BICRA: variants seen among roughly 807,000 people sequenced by gnomAD.
The protein encoded by BICRA is BRD4-interacting chromatin-remodeling complex-associated protein.
Under a neutral mutation model 96.9 loss-of-function variants are expected in BICRA, and 31 were observed. That is an observed-to-expected ratio of 0.32 (90% confidence interval 0.24 to 0.43). The LOEUF is 0.43. Among genes scored for constraint, BICRA ranks in the 20% least tolerant of loss-of-function variants. BICRA has a pLI of 1.00. For missense variants in BICRA, 2,283 were observed against 2,190.3 expected (o/e 1.04, Z -0.84); for synonymous variants, 1,350 against 1,071.8 (o/e 1.26, Z -5.07).
intron 7 of BICRA, among the ~76,000 whole-genome samples, chr19:47,690,454 C>G (rs963793030): frequency 2.6e-5 from 4 of 152,122 alleles, no homozygotes; most frequent in African/African-American, 7.2e-5. Context: ...AGTTGAGACC[C>G]CTAAGGGCAG....
At chr19:47,643,206 G>A (rs1972408730) in intron 1 of BICRA, among the ~76,000 whole-genome samples, 1 of 152,228 alleles carries the variant, frequency 6.6e-6, no homozygotes, top group Non-Finnish European at 1.5e-5. Context: ...CTGACCTCAA[G>A]TGATCTGCCC....
chr19:47,691,461 G>A (rs962493078), intron 7 of BICRA, among the ~76,000 whole-genome samples: 2 of 152,190 alleles, frequency 1.3e-5, no homozygotes, highest in African/African-American at 4.8e-5. Context: ...CATCTGCCTT[G>A]ACCTTAGCAT....
At chr19:47,609,821 G>C (rs1196406237) in intron 1 of BICRA, among the ~76,000 whole-genome samples, 1 of 152,058 alleles carries the variant, frequency 6.6e-6, no homozygotes, top group East Asian at 1.9e-4. Context: ...GATGGATGGG[G>C]AAGGAGGCCA....
At chr19:47,638,255 C>T (rs1034763436) in intron 1 of BICRA, among the ~76,000 whole-genome samples, 1 of 152,190 alleles carries the variant, frequency 6.6e-6, no homozygotes, top group African/African-American at 2.4e-5. Context: ...CCTCAGCCTG[C>T]CCTGAACACT....
chr19:47,664,910 C>A (rs997322898), intron 1 of BICRA, among the ~76,000 whole-genome samples: 2 of 151,614 alleles, frequency 1.3e-5, no homozygotes, highest in African/African-American at 2.4e-5. Context: ...AGCAGGCCCA[C>A]TGGGTGGGGG....
chr19:47,618,235 C>T (rs1276113724), intron 1 of BICRA, among the ~76,000 whole-genome samples: 1 of 151,970 alleles, frequency 6.6e-6, no homozygotes, highest in Non-Finnish European at 1.5e-5. Context: ...GGGGATGGAC[C>T]CCTAGGATGA....
At chr19:47,688,423 A>G (rs1973191019) in intron 7 of BICRA, among the ~76,000 whole-genome samples, 2 of 152,166 alleles carry the variant, frequency 1.3e-5, no homozygotes, top group African/African-American at 4.8e-5. Flanking sequence ...TAGAGAATGT[A>G]GAAAATACAG....
At chr19:47,638,613 T>TCA (rs34512769) in intron 1 of BICRA, among the ~76,000 whole-genome samples, 50,222 of 149,654 alleles carry the variant, frequency 0.34, 8,635 homozygotes, top group East Asian at 0.57. Context: ...TCTCTCTCTG[T>TCA]CACACACACA....
At position 47,702,341 on chromosome 19, in the gene BICRA, C is replaced by G. The variant is rs780931394; in HGVS notation, c.4609C>G (p.Pro1537Ala). 6.5e-7 allele frequency: 1 copy of G among 1,547,054 alleles called. No homozygotes were observed. Among genetic ancestry groups the G allele is most frequent in the Non-Finnish European group, 8.6e-7 (1 of 1,156,648 alleles). Residue 1537 changes from proline (P) to alanine (A), a missense_variant, in exon 15 of 15, where the codon CCC (proline) becomes GCC (alanine). Transcript: ENST00000594866. ...ASAGTPASPP[P>A]LHRPEAYPPS... ...GGCCGGCACCCCCGCATCCCCGCCG[C>G]CCCTGCACAGGCCCGAGGCCTACCC...
Position 47,673,769 on chromosome 19 carries a change from A to G in BICRA, c.84+7A>G, listed in dbSNP as rs759106800. 3.1e-6 allele frequency: 5 copies of G among 1,611,140 alleles called. No individual in the cohort carries two copies. In the East Asian group the frequency reaches 1.1e-4, roughly 36 times the overall value. On this transcript the variant is annotated splice_region_variant and intron_variant, in intron 4 of 14. Coordinates refer to ENST00000594866, the MANE Select transcript of BICRA (RefSeq NM_001394372.1). ...CTTGCATGGATCCGAGAAGGTAAGC[A>G]TGGGCGCAGGGAGAGGCATTCCCTG...
At chr19:47,674,069 G>A (rs543014941) in intron 4 of BICRA, among the ~76,000 whole-genome samples, 4 of 152,316 alleles carry the variant, frequency 2.6e-5, no homozygotes, top group African/African-American at 9.6e-5. Context: ...AAATAAATGG[G>A]TCCCAGGGGC....
chr19:47,623,249 A>G (rs990595878), intron 1 of BICRA, among the ~76,000 whole-genome samples: 1 of 152,060 alleles, frequency 6.6e-6, no homozygotes, highest in Non-Finnish European at 1.5e-5. Context: ...CAGAAAGGAT[A>G]CTGCTTCTGT....
intron 1 of BICRA, among the ~76,000 whole-genome samples, chr19:47,621,346 T>C (rs2123510315): frequency 6.6e-6 from 1 of 152,312 alleles, no homozygotes; most frequent in Non-Finnish European, 1.5e-5. Context: ...TGTCTTTTTC[T>C]GTTAAATTTC....
At position 47,614,208 on chromosome 19, in the gene BICRA, G is replaced by A. The variant is rs73943803; in HGVS notation, c.-108+5040G>A. Among the ~76,000 whole-genome samples the A allele has an allele frequency of 7.1e-3, 1,074 of 152,204 alleles. 22 individuals carry two copies. The highest frequency in any genetic ancestry group is 0.024 in the African/African-American group (1,002 of 41,544). On this transcript the variant is annotated intron_variant, in intron 1 of 14. Transcript: ENST00000594866. The stretch of plus-strand genomic sequence containing the variant: ...GGGCAAATTCAGAACACTAAAGATG[G>A]TGTCTCTCCCTCTAACCTCTCCAGA...
At chr19:47,619,621 C>A (rs1022354590) in intron 1 of BICRA, among the ~76,000 whole-genome samples, 1 of 152,006 alleles carries the variant, frequency 6.6e-6, no homozygotes, top group Non-Finnish European at 1.5e-5. Context: ...AGGGGCCAGG[C>A]ACGGTGGCTC....
Position 47,699,012 on chromosome 19 carries a change from C to G in BICRA, c.3445C>G (p.Gln1149Glu). ...TVSTQLLKRT[Q>E]AMLNKYRLLL... is the part of the protein sequence containing the mutation. ...CTCCACGCAGCTGCTGAAACGCACCCAGGCCATGCTCAATAAATATCGGCT... is the reference window on the plus strand; with the variant it reads ...CTCCACGCAGCTGCTGAAACGCACCGAGGCCATGCTCAATAAATATCGGCT... Residue 1149 changes from glutamine to glutamate, a missense_variant, in exon 13 of 15, where the codon CAG becomes GAG. Transcript: ENST00000594866. The surrounding 1 kb of genome is among the most constrained non-coding windows in gnomAD (Gnocchi z 5.0). 1.3e-6 allele frequency: 2 copies of G among 1,587,700 alleles called. No homozygotes were observed. The highest frequency in any genetic ancestry group is 1.7e-6 in the Non-Finnish European group (2 of 1,167,730).
At chr19:47,681,930 G>A (rs1249140461) in intron 6 of BICRA, 46 bp from the exon 7 acceptor site, 3 of 1,377,334 alleles carry the variant, frequency 2.2e-6, no homozygotes, top group East Asian at 2.5e-5. Context: ...GAGGTCGAGG[G>A]CCTGTGGGGG....
chr19:47,645,985 C>T (rs781286206), intron 1 of BICRA, among the ~76,000 whole-genome samples: 1 of 152,164 alleles, frequency 6.6e-6, no homozygotes, highest in Non-Finnish European at 1.5e-5. Flanking sequence ...GTAGGCCCAG[C>T]TATACTGGAG....
chr19:47,651,765 C>T (rs1430982149), intron 1 of BICRA, among the ~76,000 whole-genome samples: 2 of 152,150 alleles, frequency 1.3e-5, no homozygotes, highest in African/African-American at 2.4e-5. Context: ...GCAACGAGCA[C>T]GAGAGGGTTG....
Sources: allele counts gnomAD v4.1 joint callset (sites outside exome capture counted in the v4.1 genomes callset), GRCh38; gene constraint gnomAD v4.1.1; non-coding constraint Gnocchi (gnomAD v3.1); transcripts MANE v1.5; gene names NCBI Gene and HGNC (gene_info 2026-07-23, HGNC 2026-07-21).